RASGRF2: variants seen among roughly 807,000 people sequenced by gnomAD.
RASGRF2 encodes the protein ras-specific guanine nucleotide-releasing factor 2.
A neutral mutation model predicts 151.0 loss-of-function variants in RASGRF2; 76 were observed. That is an observed-to-expected ratio of 0.50 (90% CI 0.42 to 0.61). RASGRF2 has a LOEUF of 0.61. RASGRF2 is among the 20% of genes least tolerant of loss of function. RASGRF2 has a pLI of 0.00. For missense variants in RASGRF2, 1,148 were observed against 1,564.6 expected, an observed-to-expected ratio of 0.73 and a Z score of 4.49; for synonymous variants, 504 against 566.5, an observed-to-expected ratio of 0.89 and a Z score of 1.57.
intron 1 of RASGRF2, among the ~76,000 whole-genome samples, chr5:81,032,535 A>G (rs1750301122): frequency 6.6e-6 from 1 of 152,230 alleles, no homozygotes; most frequent in African/African-American, 2.4e-5. Context: ...AACAGAACCA[A>G]AGACAAAAAC....
chr5:81,100,151 C>A (rs1752662053), intron 12 of RASGRF2, among the ~76,000 whole-genome samples: 1 of 152,116 alleles, frequency 6.6e-6, no homozygotes, highest in South Asian at 2.1e-4. Flanking sequence ...TCGTGATCCA[C>A]CCGCCTCGGC....
chr5:81,023,900 G>T (rs7717573), intron 1 of RASGRF2, among the ~76,000 whole-genome samples: 34,964 of 152,096 alleles, frequency 0.23, 4,187 homozygotes, highest in South Asian at 0.27. Flanking sequence ...ATTTGTTATT[G>T]TATTGAGTTT....
At chr5:81,171,549 TTGTGTGTG>T (rs57890623) in intron 17 of RASGRF2, among the ~76,000 whole-genome samples, 37 of 150,624 alleles carry the variant, frequency 2.5e-4, no homozygotes, top group African/African-American at 8.0e-4. Flanking sequence ...CCTTTTGTGT[TTGTGTGTG>T]TGTGTGTGTG....
intron 18 of RASGRF2, 144 bp downstream of exon 18, chr5:81,180,425 C>T (rs1754887141): frequency 4.9e-6 from 3 of 608,528 alleles, no homozygotes; most frequent in Admixed American, 4.7e-5. Flanking sequence ...AAGAAATAGG[C>T]TAGGCATACA....
In RASGRF2 at chr5:81,206,832, A is replaced by G; in HGVS notation, c.2907-13A>G. ...TTTTTCTTTCATGGAGGATAATTTGATATCTTTTTCAGGGCCCTTTCACAA... is the reference window on the plus strand; with the variant it reads ...TTTTTCTTTCATGGAGGATAATTTGGTATCTTTTTCAGGGCCCTTTCACAA... On this transcript the variant is annotated splice_polypyrimidine_tract_variant and intron_variant, in intron 19 of 26. Coordinates refer to ENST00000265080, the MANE Select transcript of RASGRF2 (RefSeq NM_006909.3). 1 of 1,599,706 alleles carries G rather than the reference A, an allele frequency of 6.3e-7. No homozygotes were observed. The highest frequency in any genetic ancestry group is 8.6e-7 in the Non-Finnish European group (1 of 1,166,862).
At chr5:81,143,951 T>G (rs1753945967) in intron 17 of RASGRF2, among the ~76,000 whole-genome samples, 1 of 152,040 alleles carries the variant, frequency 6.6e-6, no homozygotes, top group African/African-American at 2.4e-5. Context: ...TTTGAATCTT[T>G]ATAATAAAGG....
intron 2 of RASGRF2, among the ~76,000 whole-genome samples, chr5:81,053,211 G>T (rs1454218316): frequency 1.3e-5 from 2 of 151,222 alleles, no homozygotes; most frequent in African/African-American, 2.4e-5. Flanking sequence ...GTGCCATGTT[G>T]GTGTGCTGCA....
chr5:80,992,851 A>G (rs1024120859), intron 1 of RASGRF2, among the ~76,000 whole-genome samples: 1 of 152,212 alleles, frequency 6.6e-6, no homozygotes, highest in Admixed American at 6.5e-5. Flanking sequence ...CACATGAAAC[A>G]TTTTCTAGAA....
At chr5:81,021,594 G>A (rs1210301791) in intron 1 of RASGRF2, among the ~76,000 whole-genome samples, 2 of 152,132 alleles carry the variant, frequency 1.3e-5, no homozygotes, top group Non-Finnish European at 2.9e-5. Flanking sequence ...ATCAGAGGGT[G>A]AGGCAGGGAT....
chr5:81,108,881 TA>T, intron 12 of RASGRF2, 114 bp from the exon 13 acceptor site: 20 of 859,964 alleles, frequency 2.3e-5, no homozygotes, highest in Non-Finnish European at 2.5e-5. Context: ...TGTGTGTGTG[TA>T]AGAGACAGGG....
intron 3 of RASGRF2, among the ~76,000 whole-genome samples, chr5:81,069,292 C>A (rs1352532799): frequency 6.6e-6 from 1 of 152,178 alleles, no homozygotes; most frequent in East Asian, 1.9e-4. Flanking sequence ...TGGTGTTCAC[C>A]ATATTATTAC....
At chr5:81,004,266 G>A (rs569855777) in intron 1 of RASGRF2, among the ~76,000 whole-genome samples, 2 of 152,356 alleles carry the variant, frequency 1.3e-5, no homozygotes, top group South Asian at 4.1e-4. Context: ...TCATTTAACA[G>A]GGGAGACAAT....
intron 1 of RASGRF2, among the ~76,000 whole-genome samples, chr5:81,026,003 CT>C (rs1750010128): frequency 7.1e-6 from 1 of 141,462 alleles, no homozygotes. Flanking sequence ...CCCTTCCTTC[CT>C]TTCTTCCTTC....
At chr5:81,112,399 G>A (rs962344470) in intron 13 of RASGRF2, among the ~76,000 whole-genome samples, 3 of 152,148 alleles carry the variant, frequency 2.0e-5, no homozygotes, top group African/African-American at 7.2e-5. Flanking sequence ...TCATATCAGG[G>A]ACTTGAGCAT....
In RASGRF2 at chr5:81,152,065, G is replaced by A. The variant is rs554032260; in HGVS notation, c.2686+24902G>A. Among the ~76,000 whole-genome samples the A allele has an allele frequency of 3.3e-5, 5 of 152,146 alleles. No individual in the cohort carries two copies. In the East Asian group the frequency reaches 7.7e-4, roughly 24 times the overall value. ...CACCCAGGCTGGAGTGCAGTGGCAC[G>A]ATCTCGGCTCACTGCAACCTCCGCC... On this transcript the variant is annotated intron_variant, in intron 17 of 26. Transcript: ENST00000265080.
chr5:81,102,630 G>A (rs1043544331), intron 12 of RASGRF2, among the ~76,000 whole-genome samples: 3 of 151,730 alleles, frequency 2.0e-5, no homozygotes, highest in Non-Finnish European at 2.9e-5. Context: ...AGGATGTGGA[G>A]GTTGCAGTGA....
At position 81,212,378 on chromosome 5, in the gene RASGRF2, G is replaced by A. The variant is rs1755646754; in HGVS notation, c.3169G>A (p.Val1057Met). 3.1e-6 allele frequency: 5 copies of A among 1,603,442 alleles called. No homozygotes were observed. The highest frequency in any genetic ancestry group is 4.3e-6 in the Non-Finnish European group (5 of 1,172,010). ...TTGATTGTCTCAGATGAGTAACCTG[G>A]TGGCCTCCCAGATAATGAACTATGC... is the stretch of plus-strand genomic sequence containing the variant. ...SQHFNDMSNL[V>M]ASQIMNYADV... Residue 1057 changes from valine (V) to methionine (M), a missense_variant, in exon 23 of 27, where the codon GTG (valine) becomes ATG (methionine). Physicochemically the swap from Val to Met is conservative, Grantham distance 21. Coordinates refer to ENST00000265080, the MANE Select transcript of RASGRF2 (RefSeq NM_006909.3).
intron 2 of RASGRF2, among the ~76,000 whole-genome samples, chr5:81,058,536 A>G (rs78762214): frequency 0.011 from 1,695 of 152,344 alleles, 31 homozygotes; most frequent in African/African-American, 0.039. Context: ...GAATAGGAGT[A>G]GTAAACTAGG....
chr5:81,167,803 G>A (rs1453627577), intron 17 of RASGRF2, among the ~76,000 whole-genome samples: 2 of 152,180 alleles, frequency 1.3e-5, no homozygotes, highest in African/African-American at 2.4e-5. Flanking sequence ...CAATGACGGG[G>A]TCAGGCCGAC....
Sources: allele counts gnomAD v4.1 joint callset (sites outside exome capture counted in the v4.1 genomes callset), GRCh38; gene constraint gnomAD v4.1.1; transcripts MANE v1.5; gene names NCBI Gene and HGNC (gene_info 2026-07-23, HGNC 2026-07-21).